The following YWHAB variants were observed in gnomAD, a reference collection of about 807,000 sequenced individuals.
YWHAB encodes the protein tyrosine 3-monooxygenase/tryptophan 5-monooxygenase activation protein beta.
YWHAB carries 2 observed loss-of-function variants against 28.5 expected under a neutral mutation model. That is an observed-to-expected ratio of 0.07 (90% CI 0.03 to 0.22). The LOEUF (loss-of-function observed/expected upper bound fraction) is 0.22, where lower values mean the gene tolerates loss of function less well. Ranked by LOEUF, YWHAB falls within the 10% of genes least tolerant of loss-of-function variation. The pLI, the probability that YWHAB is intolerant of heterozygous loss-of-function variation, is 1.00. For synonymous variants in YWHAB, 103 were observed against 104.7 expected (o/e 0.98, Z 0.10); for missense variants, 148 against 297.1 (o/e 0.50, Z 3.69).
chr20:44,893,272 C>T (rs1267995907), intron 1 of YWHAB, among the ~76,000 whole-genome samples: 14 of 152,054 alleles, frequency 9.2e-5, no homozygotes, highest in Non-Finnish European at 1.5e-5. Context: ...CATTTATTAT[C>T]TGATTTAGGA....
chr20:44,898,410 G>A (rs1384707996), intron 1 of YWHAB, among the ~76,000 whole-genome samples: 1 of 152,096 alleles, frequency 6.6e-6, no homozygotes, highest in African/African-American at 2.4e-5. Context: ...AACATTTTTA[G>A]GTGATAAGGC....
Position 44,903,778 on chromosome 20 carries a change from C to A in YWHAB, c.301-215C>A, listed in dbSNP as rs117468345. The A allele has an allele frequency of 5.0e-3, 2,259 of 454,426 alleles. 13 individuals carry two copies. The highest frequency in any genetic ancestry group is 0.011 in the Middle Eastern group (19 of 1,684). The allele number at this position is 454,426 out of a possible 1,614,324, so 28.1% of individuals were successfully genotyped here. On this transcript the variant is annotated intron_variant, in intron 2 of 5. Coordinates refer to ENST00000353703, the MANE Select transcript of YWHAB (RefSeq NM_139323.4). ...CATTATATGGCTATACTTTAATTAT[C>A]CCCTATGGATGGTCAAAGTGATTTT...
At chr20:44,893,258 T>G (rs930669427) in intron 1 of YWHAB, among the ~76,000 whole-genome samples, 3 of 152,230 alleles carry the variant, frequency 2.0e-5, no homozygotes, top group Admixed American at 1.3e-4. Context: ...TCCTCTATTT[T>G]CAGCATTTAT....
intron 1 of YWHAB, among the ~76,000 whole-genome samples, chr20:44,895,939 G>C (rs993208898): frequency 1.3e-5 from 2 of 152,180 alleles, no homozygotes; most frequent in African/African-American, 4.8e-5. Context: ...GGATCAGTTT[G>C]TTCATTCAGC....
chr20:44,895,822 T>A (rs953873902), intron 1 of YWHAB, among the ~76,000 whole-genome samples: 2 of 152,216 alleles, frequency 1.3e-5, no homozygotes, highest in Non-Finnish European at 2.9e-5. Flanking sequence ...AGAAACTAGG[T>A]ACAAATGTAA....
rs1331457166 is a variant in YWHAB, at chr20:44,908,404, C to A, written c.*1966C>A. 6.6e-6 allele frequency: 1 copy of A among 152,540 alleles called. No individual in the cohort carries two copies. Among genetic ancestry groups the A allele is most frequent in the African/African-American group, 2.4e-5 (1 of 41,416 alleles). The allele number at this position is 152,540 out of a possible 1,614,324, so 9.4% of individuals were successfully genotyped here. On this transcript the variant is annotated 3_prime_UTR_variant, in exon 6 of 6. Transcript: ENST00000353703. ...ATAGTATAGCAAAAAAGAAAAATCCCCGGTTATTGATGTACTAGATTTGTG... is the reference window on the plus strand; with the variant it reads ...ATAGTATAGCAAAAAAGAAAAATCCACGGTTATTGATGTACTAGATTTGTG...
intron 1 of YWHAB, among the ~76,000 whole-genome samples, chr20:44,893,666 G>T (rs1009025280): frequency 7.2e-6 from 1 of 138,510 alleles, no homozygotes; most frequent in Non-Finnish European, 1.6e-5. Flanking sequence ...ACGTAATCTT[G>T]TACCATCTAT....
chr20:44,892,567 T>C (rs1268002662), intron 1 of YWHAB, among the ~76,000 whole-genome samples: 1 of 152,232 alleles, frequency 6.6e-6, no homozygotes, highest in Non-Finnish European at 1.5e-5. Flanking sequence ...CTTAGAAATT[T>C]GGTAGTTTTT....
At chr20:44,904,835 A>C in intron 3 of YWHAB, 133 bp from the exon 4 acceptor site, 1 of 794,974 alleles carries the variant, frequency 1.3e-6, no homozygotes, top group Non-Finnish European at 1.9e-6. Flanking sequence ...TGAATGGCAG[A>C]GACACTGACA....
intron 1 of YWHAB, among the ~76,000 whole-genome samples, chr20:44,894,259 G>T (rs1251246849): frequency 6.6e-6 from 1 of 152,138 alleles, no homozygotes; most frequent in African/African-American, 2.4e-5. Flanking sequence ...GCCTTTTGTG[G>T]CCTCTAATGA....
chr20:44,890,746 C>T (rs1197366513), intron 1 of YWHAB, among the ~76,000 whole-genome samples: 2 of 151,752 alleles, frequency 1.3e-5, no homozygotes, highest in African/African-American at 2.4e-5. Context: ...CCTGACCTTG[C>T]GATCCACCTG....
intron 3 of YWHAB, among the ~76,000 whole-genome samples, chr20:44,904,356 TGAG>T (rs2066644326): frequency 2.0e-5 from 3 of 152,236 alleles, no homozygotes; most frequent in African/African-American, 7.2e-5. Context: ...GATCTTATCT[TGAG>T]TATTATTTGT....
intron 1 of YWHAB, among the ~76,000 whole-genome samples, chr20:44,897,444 G>C (rs568668388): frequency 6.6e-6 from 1 of 152,164 alleles, no homozygotes; most frequent in African/African-American, 2.4e-5. Flanking sequence ...TTTTCTGAAG[G>C]TTGTTGGGTC....
At chr20:44,886,477 A>G (rs925907289) in intron 1 of YWHAB, 1 of 152,234 alleles carries the variant, frequency 6.6e-6, no homozygotes, top group African/African-American at 2.4e-5. Context: ...ATTCCCTAGG[A>G]AGGGAATTGG....
intron 3 of YWHAB, among the ~76,000 whole-genome samples, chr20:44,904,538 T>TA (rs892091498): frequency 6.6e-6 from 1 of 152,152 alleles, no homozygotes; most frequent in African/African-American, 2.4e-5. Flanking sequence ...CACACAGCCT[T>TA]ACGAGTTAGG....
intron 3 of YWHAB, 30 bp from the exon 4 acceptor site, chr20:44,904,938 G>A: frequency 6.4e-7 from 1 of 1,560,142 alleles, no homozygotes; most frequent in Non-Finnish European, 8.7e-7. Flanking sequence ...AAAGAACCGA[G>A]CCTTTAATAT....
At chr20:44,902,618 CT>C (rs1407657151) in intron 2 of YWHAB, 1 of 152,220 alleles carries the variant, frequency 6.6e-6, no homozygotes, top group Non-Finnish European at 1.5e-5. Flanking sequence ...CTGCCCATGA[CT>C]CCTTTCTTTT....
At chr20:44,894,360 T>G (rs1321471284) in intron 1 of YWHAB, among the ~76,000 whole-genome samples, 1 of 152,206 alleles carries the variant, frequency 6.6e-6, no homozygotes, top group African/African-American at 2.4e-5. Flanking sequence ...AGGAGACAAA[T>G]AAAGAGTATC....
intron 3 of YWHAB, among the ~76,000 whole-genome samples, chr20:44,904,515 C>G (rs1286734178): frequency 6.6e-6 from 1 of 152,164 alleles, no homozygotes; most frequent in Non-Finnish European, 1.5e-5. Flanking sequence ...ACTTCCGAGT[C>G]TCACTTACTC....
Sources: gnomAD v4.1 joint callset for allele counts (sites outside exome capture counted in the v4.1 genomes callset) on GRCh38, gnomAD v4.1.1 for gene constraint, MANE v1.5 for transcripts, NCBI Gene and HGNC (gene_info 2026-07-23, HGNC 2026-07-21) for gene names.